DLGAP2: variants seen among roughly 807,000 people sequenced by gnomAD.
DLGAP2 encodes DLG associated protein 2, also known as disks large-associated protein 2.
In DLGAP2, 26 loss-of-function variants were observed where a neutral mutation model predicts 100.3. That is an observed-to-expected ratio of 0.26 (90% confidence interval 0.19 to 0.36). The LOEUF (loss-of-function observed/expected upper bound fraction) is 0.36. Among genes scored for constraint, DLGAP2 ranks in the 10% least tolerant of loss-of-function variants. DLGAP2 has a pLI of 1.00. For missense variants in DLGAP2, 1,858 were observed against 1,453.2 expected (o/e 1.28, Z -4.53); for synonymous variants, 886 against 630.1 (o/e 1.41, Z -6.08).
chr8:942,416 A>G (rs1799217653), intron 2 of DLGAP2, among the ~76,000 whole-genome samples: 1 of 152,226 alleles, frequency 6.6e-6, no homozygotes, highest in Non-Finnish European at 1.5e-5. Flanking sequence ...GGAGGAGAGA[A>G]CAGAAAACCA....
At chr8:762,809 C>T (rs1481870360) in intron 1 of DLGAP2, among the ~76,000 whole-genome samples, 1 of 152,000 alleles carries the variant, frequency 6.6e-6, no homozygotes, top group African/African-American at 2.4e-5. Context: ...TCCGGAGTAA[C>T]TGGGATCACA....
intron 1 of DLGAP2, among the ~76,000 whole-genome samples, chr8:816,430 C>G (rs948057730): frequency 2.6e-5 from 4 of 152,146 alleles, no homozygotes; most frequent in African/African-American, 4.8e-5. Flanking sequence ...GTGGGGAATT[C>G]TCTCAGCATT....
At chr8:1,306,897 A>C (rs990285683) in intron 3 of DLGAP2, among the ~76,000 whole-genome samples, 7 of 152,194 alleles carry the variant, frequency 4.6e-5, no homozygotes, top group Non-Finnish European at 1.0e-4. Context: ...ACAATACTCA[A>C]CAGATAAAAG....
At chr8:1,603,146 G>A (rs1796681636) in intron 6 of DLGAP2, among the ~76,000 whole-genome samples, 1 of 151,992 alleles carries the variant, frequency 6.6e-6, no homozygotes, top group Non-Finnish European at 1.5e-5. Flanking sequence ...TGGTTAGAGT[G>A]GAGGCTGGGT....
At chr8:1,473,971 C>G (rs1485194072) in intron 3 of DLGAP2, among the ~76,000 whole-genome samples, 2 of 152,182 alleles carry the variant, frequency 1.3e-5, no homozygotes, top group African/African-American at 4.8e-5. Flanking sequence ...TCTTCATCAG[C>G]AGCATGAAAA....
intron 2 of DLGAP2, among the ~76,000 whole-genome samples, chr8:1,230,128 A>C (rs954782152): frequency 4.6e-5 from 7 of 152,210 alleles, no homozygotes; most frequent in African/African-American, 1.7e-4. Flanking sequence ...GACTCTGCCA[A>C]AGGGCTCCTG....
chr8:1,566,051 T>C (rs538849643), intron 6 of DLGAP2, among the ~76,000 whole-genome samples, 157 bp downstream of exon 6: 43 of 152,358 alleles, frequency 2.8e-4, no homozygotes, highest in African/African-American at 8.7e-4. Flanking sequence ...TCAAGTATTT[T>C]TTTAAAGAAC....
chr8:1,117,409 T>A (rs1373961335), intron 2 of DLGAP2, among the ~76,000 whole-genome samples: 1 of 152,118 alleles, frequency 6.6e-6, no homozygotes, highest in Non-Finnish European at 1.5e-5. Flanking sequence ...GTGTAGTGGG[T>A]TATGGGTGAT....
chr8:1,551,185 T>A (rs763085381), intron 5 of DLGAP2, among the ~76,000 whole-genome samples: 1 of 152,258 alleles, frequency 6.6e-6, no homozygotes, highest in Non-Finnish European at 1.5e-5. Context: ...TTTATAGCAA[T>A]GGAAGAGGCA....
chr8:899,910 C>T (rs555060286), intron 1 of DLGAP2, among the ~76,000 whole-genome samples: 5 of 152,308 alleles, frequency 3.3e-5, no homozygotes, highest in Admixed American at 1.3e-4. Context: ...TGGGACGCCC[C>T]GTGGGACATG....
chr8:1,281,627 A>C (rs556403541), intron 3 of DLGAP2, among the ~76,000 whole-genome samples: 1 of 152,308 alleles, frequency 6.6e-6, no homozygotes, highest in South Asian at 2.1e-4. Context: ...GCTGTTATTA[A>C]TAAAATCCAT....
intron 2 of DLGAP2, among the ~76,000 whole-genome samples, chr8:1,226,481 G>A (rs1226683956): frequency 6.6e-6 from 1 of 152,140 alleles, no homozygotes; most frequent in Non-Finnish European, 1.5e-5. Flanking sequence ...CAGGGGGCAA[G>A]GGGGAGGGAG....
At chr8:1,257,500 C>T (rs1005571492) in intron 2 of DLGAP2, among the ~76,000 whole-genome samples, 3 of 126,558 alleles carry the variant, frequency 2.4e-5, no homozygotes, top group Non-Finnish European at 5.5e-5. Flanking sequence ...CTTGTCCGTG[C>T]CTTTCCTGGG....
chr8:962,796 C>T (rs188236583), intron 2 of DLGAP2, among the ~76,000 whole-genome samples: 1 of 152,260 alleles, frequency 6.6e-6, no homozygotes, highest in East Asian at 1.9e-4. Context: ...AGCACCCAGG[C>T]GCAGGACACT....
chr8:1,243,211 T>A (rs1353611109), intron 2 of DLGAP2, among the ~76,000 whole-genome samples: 1 of 152,190 alleles, frequency 6.6e-6, no homozygotes, highest in African/African-American at 2.4e-5. Context: ...AGGACCCGCC[T>A]GGCCTTCAGA....
At position 1,026,043 on chromosome 8, in the gene DLGAP2, C is replaced by T. The variant is rs1464107791; in HGVS notation, c.73+118077C>T. Among the ~76,000 whole-genome samples, 14 of 152,204 alleles carry T rather than the reference C, an allele frequency of 9.2e-5. No homozygotes were observed. The East Asian group carries it at 1.7e-3, about 19-fold the overall frequency. On this transcript the variant is annotated intron_variant, in intron 2 of 14. Transcript: ENST00000637795. ...GCAGAAGGCTCCGGCCCGTCCAGGC[C>T]GCCTCCAGCACCACCATGCACTTCG...
intron 2 of DLGAP2, among the ~76,000 whole-genome samples, chr8:939,093 C>T (rs1338989492): frequency 6.7e-6 from 1 of 149,726 alleles, no homozygotes; most frequent in East Asian, 2.0e-4. Context: ...GCTGGGGTGC[C>T]TGGGAGTGGG....
intron 3 of DLGAP2, among the ~76,000 whole-genome samples, chr8:1,424,267 G>A (rs1797179463): frequency 6.6e-6 from 1 of 152,194 alleles, no homozygotes. Context: ...GGTCCCTTCT[G>A]TAGTCTGCAT....
At chr8:854,239 C>T (rs904363609) in intron 1 of DLGAP2, among the ~76,000 whole-genome samples, 1 of 152,144 alleles carries the variant, frequency 6.6e-6, no homozygotes, top group Non-Finnish European at 1.5e-5. Context: ...GGGGACAGCG[C>T]ATTGCGGGGT....
Sources: allele counts gnomAD v4.1 joint callset (sites outside exome capture counted in the v4.1 genomes callset), GRCh38; gene constraint gnomAD v4.1.1; transcripts MANE v1.5; gene names NCBI Gene and HGNC (gene_info 2026-07-23, HGNC 2026-07-21).